Variants in GCAT observed in about 807,000 individuals in gnomAD.
GCAT encodes the protein glycine C-acetyltransferase, also known as 2-amino-3-ketobutyrate coenzyme A ligase, mitochondrial.
Under a neutral mutation model 39.7 loss-of-function variants are expected in GCAT, and 26 were observed. The ratio of observed to expected loss-of-function variants is 0.65; its 90% CI spans 0.48 to 0.91. GCAT has a LOEUF of 0.91. GCAT is among the 40% of genes least tolerant of loss of function. GCAT has a pLI of 0.00. For missense variants in GCAT, 550 were observed against 576.2 expected, an observed-to-expected ratio of 0.95 and a Z score of 0.47; for synonymous variants, 218 against 237.2, an observed-to-expected ratio of 0.92 and a Z score of 0.74.
rs763722211 is a variant in GCAT at position 37,815,264 on chromosome 22, C to T, written c.715C>T (p.Leu239=). The T allele has an allele frequency of 6.2e-7, 1 of 1,613,824 alleles. No individual in the cohort carries two copies. Among genetic ancestry groups the T allele is most frequent in the Non-Finnish European group, 8.5e-7 (1 of 1,179,894 alleles). The change falls in exon 5 of 9, where the codon CTG becomes TTG. Residue 239 remains leucine, a synonymous_variant. Coordinates refer to ENST00000248924, the MANE Select transcript of GCAT (RefSeq NM_014291.4). The part of the protein sequence containing the change: ...FMDECHATGF[L]GPTGRGTDEL... Reference sequence around the variant, plus strand: ...GGATGAATGCCATGCCACTGGCTTCCTGGGGCCCACAGGACGGTGGGACCA... The same window carrying T: ...GGATGAATGCCATGCCACTGGCTTCTTGGGGCCCACAGGACGGTGGGACCA...
intron 1 of GCAT, among the ~76,000 whole-genome samples, chr22:37,809,651 C>G (rs1325568167): frequency 6.6e-6 from 1 of 152,026 alleles, no homozygotes; most frequent in Non-Finnish European, 1.5e-5. Flanking sequence ...GAGACCCCAT[C>G]TCTACAAAAA....
At chr22:37,810,467 C>T (rs1243840376) in intron 2 of GCAT, among the ~76,000 whole-genome samples, 2 of 151,912 alleles carry the variant, frequency 1.3e-5, no homozygotes, top group South Asian at 2.1e-4. Context: ...CATGCCTCAG[C>T]CTCCTGAGTA....
chr22:37,809,072 A>C (rs1383405602), intron 1 of GCAT, among the ~76,000 whole-genome samples: 3 of 152,166 alleles, frequency 2.0e-5, no homozygotes, highest in Non-Finnish European at 4.4e-5. Context: ...CAAGCTCCCA[A>C]AGCTGCCTTC....
intron 2 of GCAT, among the ~76,000 whole-genome samples, chr22:37,811,480 C>CAAAA (rs59876225): frequency 6.4e-4 from 30 of 46,850 alleles, no homozygotes; most frequent in Middle Eastern, 0.021. Context: ...GACTCTGTCT[C>CAAAA]AAAAAAAAAA....
chr22:37,811,371 C>T (rs544792421), intron 2 of GCAT, among the ~76,000 whole-genome samples: 58 of 150,182 alleles, frequency 3.9e-4, no homozygotes, highest in Admixed American at 8.7e-4. Flanking sequence ...ATCGCAGCCA[C>T]TTGGGAGGCT....
At chr22:37,813,130 G>A (rs1274475365) in intron 3 of GCAT, 142 bp downstream of exon 3, 1 of 672,168 alleles carries the variant, frequency 1.5e-6, no homozygotes, top group African/African-American at 1.8e-5. Flanking sequence ...GGTCAAGGTT[G>A]GGCCAGGTAG....
intron 2 of GCAT, among the ~76,000 whole-genome samples, chr22:37,811,226 T>C (rs1007749007): frequency 3.3e-5 from 5 of 152,174 alleles, no homozygotes; most frequent in Non-Finnish European, 5.9e-5. Flanking sequence ...CTCATGCCTG[T>C]AATCCCAGCA....
In GCAT at chr22:37,808,015, C is replaced by G; in HGVS notation, c.48C>G (p.Arg16=). The change falls in exon 1 of 9, where the codon CGC becomes CGG. Residue 16 remains arginine (R), a synonymous_variant. Transcript: ENST00000248924. ...GCGCCGCACTCTTCTGGGTGCCCCG[C>G]GGCCGCCGCGCACAGTCAGCGCTGG... ...AWRAALFWVP[R]GRRAQSALAQ... The G allele has an allele frequency of 6.5e-7, 1 of 1,545,634 alleles. No homozygotes were observed. The highest frequency in any genetic ancestry group is 8.7e-7 in the Non-Finnish European group (1 of 1,146,394).
intron 2 of GCAT, among the ~76,000 whole-genome samples, chr22:37,811,643 C>T (rs1164005781): frequency 6.6e-6 from 1 of 151,622 alleles, no homozygotes; most frequent in Non-Finnish European, 1.5e-5. Flanking sequence ...AAGAAAATTA[C>T]AACTATTGGC....
At position 37,810,091 on chromosome 22, in the gene GCAT, A is replaced by G; in HGVS notation, c.261A>G (p.Ala87=). The stretch of plus-strand genomic sequence containing the variant: ...GCAGCCACCCTGAGGTGATCCAGGC[A>G]GGTCTGCAGGCTCTGGAGGAGTTTG... ...GLSSHPEVIQ[A]GLQALEEFGA... is the part of the protein sequence containing the mutation. Residue 87 remains alanine, a synonymous_variant, in exon 2 of 9, where the codon GCA becomes GCG. Coordinates refer to ENST00000248924, the MANE Select transcript of GCAT (RefSeq NM_014291.4). The G allele has an allele frequency of 6.2e-7, 1 of 1,614,172 alleles. No homozygotes were observed. Among genetic ancestry groups the G allele is most frequent in the Non-Finnish European group, 8.5e-7 (1 of 1,179,962 alleles).
chr22:37,808,277 C>T (rs1449817155), intron 1 of GCAT, 114 bp downstream of exon 1: 1 of 811,258 alleles, frequency 1.2e-6, no homozygotes, highest in Non-Finnish European at 1.8e-6. Context: ...TTCCCCTTCG[C>T]ATCTCTCAGG....
intron 4 of GCAT, among the ~76,000 whole-genome samples, chr22:37,814,561 C>T (rs745338692): frequency 3.3e-5 from 5 of 152,222 alleles, no homozygotes; most frequent in Admixed American, 6.5e-5. Flanking sequence ...CCGCACCCAG[C>T]CTGTTTGTTT....
At position 37,810,079 on chromosome 22, in the gene GCAT, G is replaced by A. The variant is rs947484286; in HGVS notation, c.249G>A (p.Glu83=). ...NNYLGLSSHP[E]VIQAGLQALE... ...ACCTGGGCCTGAGCAGCCACCCTGA[G>A]GTGATCCAGGCAGGTCTGCAGGCTC... Residue 83 remains glutamate, a synonymous_variant, in exon 2 of 9, where the codon GAG becomes GAA. Transcript: ENST00000248924. 6 of 1,614,074 alleles carry A rather than the reference G, an allele frequency of 3.7e-6. No individual in the cohort carries two copies. Among genetic ancestry groups the A allele is most frequent in the South Asian group, 3.3e-5 (3 of 91,090 alleles).
At chr22:37,814,782 G>A (rs1921975180) in intron 4 of GCAT, among the ~76,000 whole-genome samples, 1 of 152,210 alleles carries the variant, frequency 6.6e-6, no homozygotes, top group African/African-American at 2.4e-5. Flanking sequence ...CCTGCCTTGA[G>A]TATTAGCAAG....
chr22:37,812,762 A>C, intron 2 of GCAT, 125 bp from the exon 3 acceptor site: 1 of 691,238 alleles, frequency 1.4e-6, no homozygotes, highest in Non-Finnish European at 2.6e-6. Context: ...TGTGGCAGAA[A>C]GTAAGGAGAC....
chr22:37,808,181 G>A lies in GCAT; in HGVS notation c.196+18G>A, dbSNP rs1921180285. ...CTCCGGAGGTAACGCTCCGTTCCGG[G>A]AGTCGTTCCAAGACCTTTCCCGAGC... On this transcript the variant is annotated intron_variant, in intron 1 of 8. Transcript: ENST00000248924. The A allele has an allele frequency of 6.8e-7, 1 of 1,471,874 alleles. No homozygotes were observed. The highest frequency in any genetic ancestry group is 1.4e-5 in the South Asian group (1 of 73,108). The allele number at this position is 1,471,874 out of a possible 1,614,324, so 91.2% of individuals were successfully genotyped here. A position where few individuals can be genotyped will look rare whatever the true frequency, so the allele number is the denominator to read the frequency against.
In GCAT at chr22:37,816,180, G is replaced by C. The variant is rs1922170470; in HGVS notation, c.987-20G>C. The stretch of plus-strand genomic sequence containing the variant: ...ATGCTCCACGGCCCCTTAGCTACCT[G>C]TGACACCTTGTGCCCACAGGTTCCG... On this transcript the variant is annotated intron_variant, in intron 7 of 8. Transcript: ENST00000248924. 6.2e-7 allele frequency: 1 copy of C among 1,611,438 alleles called. No individual in the cohort carries two copies.
At chr22:37,809,807 T>G (rs892775389) in intron 1 of GCAT, 2 of 624,368 alleles carry the variant, frequency 3.2e-6, no homozygotes, top group Non-Finnish European at 5.7e-6. Flanking sequence ...GCGACAGAGC[T>G]AGACCCTGTC....
intron 2 of GCAT, among the ~76,000 whole-genome samples, chr22:37,812,344 G>T (rs1199469969): frequency 6.6e-6 from 1 of 151,314 alleles, no homozygotes; most frequent in Non-Finnish European, 1.5e-5. Context: ...TGTCTCATTT[G>T]CCAAAAAAAA....
Sources: gnomAD v4.1 joint callset for allele counts (sites outside exome capture counted in the v4.1 genomes callset) on GRCh38, gnomAD v4.1.1 for gene constraint, MANE v1.5 for transcripts, NCBI Gene and HGNC (gene_info 2026-07-23, HGNC 2026-07-21) for gene names.